SLCO5A1: variants seen among roughly 807,000 people sequenced by gnomAD.
SLCO5A1 encodes the protein organic anion transporter polypeptide-related protein 4.
SLCO5A1 carries 39 observed loss-of-function variants against 65.1 expected under a neutral mutation model. The observed-to-expected ratio is 0.60, with a 90% CI of 0.46 to 0.78. SLCO5A1 has a LOEUF of 0.78. Among genes scored for constraint, SLCO5A1 ranks in the 30% least tolerant of loss-of-function variants. The pLI, the probability that SLCO5A1 is intolerant of heterozygous loss-of-function variation, is 0.00. For missense variants in SLCO5A1, 1,029 were observed against 1,069.4 expected, an observed-to-expected ratio of 0.96 and a Z score of 0.53; for synonymous variants, 438 against 415.7, an observed-to-expected ratio of 1.05 and a Z score of -0.65.
intron 4 of SLCO5A1, among the ~76,000 whole-genome samples, chr8:69,750,187 T>C (rs1817230616): frequency 6.6e-6 from 1 of 152,074 alleles, no homozygotes; most frequent in African/African-American, 2.4e-5. Flanking sequence ...CCACAGAGCT[T>C]TGAGCAAAGG....
intron 2 of SLCO5A1, among the ~76,000 whole-genome samples, chr8:69,814,443 G>A (rs575242571): frequency 6.6e-6 from 1 of 152,050 alleles, no homozygotes; most frequent in East Asian, 1.9e-4. Context: ...AAAGAATTAG[G>A]GAAATGCAAA....
intron 6 of SLCO5A1, among the ~76,000 whole-genome samples, chr8:69,689,158 A>C (rs1216167270): frequency 7.2e-6 from 1 of 139,232 alleles, no homozygotes; most frequent in Non-Finnish European, 1.5e-5. Flanking sequence ...GTCTGTTCAT[A>C]TCCTTTGCCC....
intron 2 of SLCO5A1, among the ~76,000 whole-genome samples, chr8:69,781,198 G>A (rs144320244): frequency 1.7e-3 from 253 of 152,342 alleles, no homozygotes; most frequent in African/African-American, 5.7e-3. Flanking sequence ...GTACTTTCCA[G>A]GCACTTGAAG....
intron 4 of SLCO5A1, among the ~76,000 whole-genome samples, chr8:69,754,004 C>CAAAAAA (rs71556780): frequency 2.7e-5 from 2 of 73,472 alleles, no homozygotes; most frequent in East Asian, 4.9e-4. Context: ...TGACCTATCT[C>CAAAAAA]AAAAAAAAAA....
At chr8:69,834,568 C>T (rs1821334787) in intron 1 of SLCO5A1, among the ~76,000 whole-genome samples, 1 of 152,166 alleles carries the variant, frequency 6.6e-6, no homozygotes, top group Non-Finnish European at 1.5e-5. Context: ...CGGGGAATCC[C>T]AGCAAACTCT....
intron 4 of SLCO5A1, among the ~76,000 whole-genome samples, chr8:69,752,057 C>T (rs1817329213): frequency 1.3e-5 from 2 of 151,998 alleles, no homozygotes; most frequent in Admixed American, 1.3e-4. Flanking sequence ...ATGGTAAAAC[C>T]CCATCTGTAC....
intron 6 of SLCO5A1, among the ~76,000 whole-genome samples, chr8:69,688,772 A>G (rs1814111205): frequency 6.6e-6 from 1 of 152,072 alleles, no homozygotes; most frequent in African/African-American, 2.4e-5. Context: ...AGTCTTTGCT[A>G]TTGTGAATAG....
intron 4 of SLCO5A1, among the ~76,000 whole-genome samples, chr8:69,752,397 T>A (rs551352754): frequency 2.7e-5 from 4 of 150,722 alleles, no homozygotes; most frequent in Non-Finnish European, 4.4e-5. Context: ...AATCTCAGCT[T>A]TGTTAAAAAG....
intron 2 of SLCO5A1, among the ~76,000 whole-genome samples, chr8:69,798,208 T>C (rs1008509170): frequency 1.5e-4 from 23 of 152,168 alleles, no homozygotes; most frequent in African/African-American, 5.5e-4. Context: ...TTTCAACCTC[T>C]ACCTATTACC....
chr8:69,795,798 G>A lies in SLCO5A1; in HGVS notation c.908-33923C>T, dbSNP rs139841870. ...AGTAAATGGTCTCCATGAGGGCTCC[G>A]ACCCTGCAGCAGGCTTCTACCTGGA... On this transcript the variant is annotated intron_variant, in intron 2 of 9. Transcript: ENST00000260126. Among the ~76,000 whole-genome samples the A allele has an allele frequency of 5.3e-3, 811 of 152,278 alleles. 7 individuals carry two copies. The highest frequency in any genetic ancestry group is 0.037 in the Middle Eastern group (11 of 294).
At chr8:69,794,431 C>A in intron 2 of SLCO5A1, 1 of 448,880 alleles carries the variant, frequency 2.2e-6, no homozygotes, top group Non-Finnish European at 4.4e-6. Flanking sequence ...AGAAGGACTT[C>A]AGAAACTTTA....
At chr8:69,753,847 C>T (rs1433280845) in intron 4 of SLCO5A1, among the ~76,000 whole-genome samples, 1 of 137,822 alleles carries the variant, frequency 7.3e-6, no homozygotes, top group Non-Finnish European at 1.6e-5. Context: ...ACCATCTCTG[C>T]TAAAAAAAAA....
chr8:69,784,182 A>G (rs932229219), intron 2 of SLCO5A1, among the ~76,000 whole-genome samples: 11 of 152,238 alleles, frequency 7.2e-5, no homozygotes, highest in African/African-American at 2.7e-4. Flanking sequence ...ATACCTAAAG[A>G]GTTCTTACAA....
intron 6 of SLCO5A1, among the ~76,000 whole-genome samples, chr8:69,689,648 T>C (rs1814156217): frequency 7.2e-6 from 1 of 138,754 alleles, no homozygotes. Flanking sequence ...CAGATAGTTG[T>C]AGATATGCGG....
intron 6 of SLCO5A1, 57 bp downstream of exon 6, chr8:69,704,974 C>T: frequency 1.3e-6 from 2 of 1,531,250 alleles, no homozygotes; most frequent in Admixed American, 3.3e-5. Flanking sequence ...GCACAAACAC[C>T]ACAGGGCTTT....
intron 5 of SLCO5A1, among the ~76,000 whole-genome samples, chr8:69,732,583 G>A (rs745790723): frequency 5.3e-5 from 8 of 152,244 alleles, no homozygotes; most frequent in South Asian, 2.1e-4. Context: ...TAGCGAGGCC[G>A]AGTACAGTGG....
intron 5 of SLCO5A1, among the ~76,000 whole-genome samples, chr8:69,734,388 G>A (rs1038310339): frequency 1.3e-5 from 2 of 152,132 alleles, no homozygotes; most frequent in Non-Finnish European, 2.9e-5. Context: ...TAAAAACCTA[G>A]TTAAAAGCCA....
intron 5 of SLCO5A1, chr8:69,713,300 T>G (rs1227403000): frequency 6.6e-6 from 1 of 152,256 alleles, no homozygotes; most frequent in Non-Finnish European, 1.5e-5. Context: ...CTTGCAAACA[T>G]GAGACTATCA....
intron 2 of SLCO5A1, among the ~76,000 whole-genome samples, chr8:69,804,354 C>T (rs1487772005): frequency 6.6e-6 from 1 of 152,154 alleles, no homozygotes; most frequent in East Asian, 1.9e-4. Context: ...CACTCTGTCA[C>T]CCAGGCTGTA....
Sources: gnomAD v4.1 joint callset for allele counts (sites outside exome capture counted in the v4.1 genomes callset) on GRCh38, gnomAD v4.1.1 for gene constraint, MANE v1.5 for transcripts, NCBI Gene and HGNC (gene_info 2026-07-23, HGNC 2026-07-21) for gene names.